VWC2L: variants seen among roughly 807,000 people sequenced by gnomAD.
VWC2L encodes the protein von Willebrand factor C domain-containing protein 2-like.
VWC2L carries 10 observed loss-of-function variants against 21.6 expected under a neutral mutation model. The ratio of observed to expected loss-of-function variants is 0.46; its 90% CI spans 0.29 to 0.78. The LOEUF is 0.78. Among genes scored for constraint, VWC2L ranks in the 30% least tolerant of loss-of-function variants. The pLI, the probability that VWC2L is intolerant of heterozygous loss-of-function variation, is 0.10. For missense variants in VWC2L, 209 were observed against 277.1 expected (o/e 0.75, Z 1.74); for synonymous variants, 96 against 94.3 (o/e 1.02, Z -0.10).
intron 3 of VWC2L, among the ~76,000 whole-genome samples, chr2:214,538,540 T>C (rs952051800): frequency 6.6e-6 from 1 of 151,926 alleles, no homozygotes; most frequent in Non-Finnish European, 1.5e-5. Context: ...GGACAACTAC[T>C]GCAACATAGA....
At chr2:214,527,204 A>T (rs1407495482) in intron 3 of VWC2L, among the ~76,000 whole-genome samples, 1 of 152,160 alleles carries the variant, frequency 6.6e-6, no homozygotes, top group Non-Finnish European at 1.5e-5. Context: ...TTGGGTATTC[A>T]GGAACATAAA....
intron 3 of VWC2L, among the ~76,000 whole-genome samples, chr2:214,562,280 A>G (rs1689988068): frequency 6.6e-6 from 1 of 152,126 alleles, no homozygotes; most frequent in South Asian, 2.1e-4. Flanking sequence ...TGCTGAGGAT[A>G]ATGGCTTCCA....
chr2:214,517,810 C>T (rs11886252), intron 3 of VWC2L, among the ~76,000 whole-genome samples: 5,015 of 152,172 alleles, frequency 0.033, 271 homozygotes, highest in African/African-American at 0.11. Flanking sequence ...ACTTAAGAGA[C>T]TGGGAGAATA....
chr2:214,427,225 T>C (rs1702538106), intron 2 of VWC2L, among the ~76,000 whole-genome samples: 1 of 152,168 alleles, frequency 6.6e-6, no homozygotes, highest in Non-Finnish European at 1.5e-5. Context: ...AAAAACAAAA[T>C]TGTTCAGTGT....
chr2:214,425,743 TA>T (rs1295998373), intron 2 of VWC2L, among the ~76,000 whole-genome samples: 1 of 152,134 alleles, frequency 6.6e-6, no homozygotes, highest in Non-Finnish European at 1.5e-5. Flanking sequence ...AGAGAAGCGG[TA>T]GATCTTGTGG....
intron 2 of VWC2L, among the ~76,000 whole-genome samples, chr2:214,418,592 T>A (rs1702389784): frequency 2.0e-5 from 3 of 152,226 alleles, no homozygotes; most frequent in Admixed American, 6.5e-5. Context: ...CTAGCGACAC[T>A]GTTTTCTTTT....
chr2:214,537,433 A>C (rs1033678840), intron 3 of VWC2L, among the ~76,000 whole-genome samples: 1 of 152,092 alleles, frequency 6.6e-6, no homozygotes, highest in African/African-American at 2.4e-5. Context: ...AGACGAAAAA[A>C]AAAAGGCATG....
chr2:214,576,158 C>A lies in VWC2L; in HGVS notation c.*338C>A. ...CCTCTGACCTACCAGCTCACTGTCC[C>A]CTGGTTTACTTCATTTTTACTCTTC... is the stretch of plus-strand genomic sequence containing the variant. On this transcript the variant is annotated 3_prime_UTR_variant, in exon 4 of 4. Coordinates refer to ENST00000312504, the MANE Select transcript of VWC2L (RefSeq NM_001080500.4). 1 of 165,222 alleles carries A rather than the reference C, an allele frequency of 6.1e-6. No individual in the cohort carries two copies. Among genetic ancestry groups the A allele is most frequent in the Non-Finnish European group, 1.3e-5 (1 of 76,666 alleles). The allele number at this position is 165,222 out of a possible 1,614,324, so 10.2% of individuals were successfully genotyped here.
intron 2 of VWC2L, among the ~76,000 whole-genome samples, chr2:214,417,248 T>C (rs1312361763): frequency 6.6e-6 from 1 of 152,178 alleles, no homozygotes; most frequent in Non-Finnish European, 1.5e-5. Flanking sequence ...GACCGTTCAG[T>C]AGATAAGATA....
intron 3 of VWC2L, among the ~76,000 whole-genome samples, chr2:214,453,068 A>G (rs1703000332): frequency 6.6e-6 from 1 of 152,128 alleles, no homozygotes; most frequent in Admixed American, 6.6e-5. Context: ...AGCGGTTTTT[A>G]ATTATAATAA....
chr2:214,561,310 GC>G (rs1374199285), intron 3 of VWC2L, among the ~76,000 whole-genome samples: 1 of 152,056 alleles, frequency 6.6e-6, no homozygotes, highest in Non-Finnish European at 1.5e-5. Flanking sequence ...ATTCCTCCCT[GC>G]CAAATTGTAC....
chr2:214,430,284 C>T (rs1702580454), intron 2 of VWC2L, among the ~76,000 whole-genome samples: 1 of 152,052 alleles, frequency 6.6e-6, no homozygotes, highest in South Asian at 2.1e-4. Flanking sequence ...TAATATTTTA[C>T]TTTAGCTCAG....
chr2:214,486,008 C>T (rs1688667531), intron 3 of VWC2L, among the ~76,000 whole-genome samples: 1 of 152,038 alleles, frequency 6.6e-6, no homozygotes, highest in Non-Finnish European at 1.5e-5. Flanking sequence ...ATCATTTCAT[C>T]TAGAATGACA....
chr2:214,484,967 T>C (rs547778116), intron 3 of VWC2L, among the ~76,000 whole-genome samples: 1 of 152,194 alleles, frequency 6.6e-6, no homozygotes, highest in South Asian at 2.1e-4. Flanking sequence ...ATCATGAAAA[T>C]TATTAAGGAC....
intron 3 of VWC2L, among the ~76,000 whole-genome samples, chr2:214,566,622 C>T (rs138031052): frequency 0.014 from 2,079 of 152,134 alleles, 15 homozygotes; most frequent in Middle Eastern, 0.027. Context: ...TTGGAAGTAA[C>T]ACAGGGATGA....
chr2:214,482,216 G>A (rs1192037537), intron 3 of VWC2L, among the ~76,000 whole-genome samples: 1 of 152,122 alleles, frequency 6.6e-6, no homozygotes, highest in Non-Finnish European at 1.5e-5. Context: ...TTTGCCATAG[G>A]CCTTCATGCT....
At chr2:214,551,553 G>A (rs1288182360) in intron 3 of VWC2L, among the ~76,000 whole-genome samples, 1 of 152,246 alleles carries the variant, frequency 6.6e-6, no homozygotes, top group Non-Finnish European at 1.5e-5. Flanking sequence ...GTTGCTGGCA[G>A]TGTAATATTT....
intron 3 of VWC2L, among the ~76,000 whole-genome samples, chr2:214,463,781 A>G (rs1266144388): frequency 6.6e-6 from 1 of 152,192 alleles, no homozygotes; most frequent in African/African-American, 2.4e-5. Flanking sequence ...GTAAAGGCCT[A>G]TAATGCTAAG....
intron 3 of VWC2L, among the ~76,000 whole-genome samples, chr2:214,466,851 G>T (rs776011414): frequency 4.6e-5 from 7 of 152,082 alleles, no homozygotes; most frequent in Non-Finnish European, 1.0e-4. Context: ...TAATGTTTTT[G>T]TCTGCTTATT....
Sources: gnomAD v4.1 joint callset for allele counts (sites outside exome capture counted in the v4.1 genomes callset) on GRCh38, gnomAD v4.1.1 for gene constraint, MANE v1.5 for transcripts, NCBI Gene and HGNC (gene_info 2026-07-23, HGNC 2026-07-21) for gene names.